UBR3: variants seen among roughly 807,000 people sequenced by gnomAD.
The protein encoded by UBR3 is ubiquitin protein ligase E3 component n-recognin 3, also known as E3 ubiquitin-protein ligase UBR3.
A neutral mutation model predicts 243.2 loss-of-function variants in UBR3; 85 were observed. The observed-to-expected ratio is 0.35, with a 90% CI of 0.29 to 0.42. The LOEUF (loss-of-function observed/expected upper bound fraction) is 0.42. Among genes scored for constraint, UBR3 ranks in the 10% least tolerant of loss-of-function variants. UBR3 has a pLI of 1.00. For synonymous variants in UBR3, 748 were observed against 799.8 expected (o/e 0.94, Z 1.09); for missense variants, 1,686 against 2,300.8 (o/e 0.73, Z 5.47).
chr2:169,928,831 TG>T lies in UBR3; in HGVS notation c.2531del (p.Gly844GlufsTer46). ...ATTTTAAGGCTCCTGTTTTTGAACC[TG>T]GAGGTTCTATGCAACAAGGCATGTA... ...ADFKAPVFEP[G>X]GSMQQGMYTP... is the part of the protein sequence containing the mutation. On this transcript the variant is annotated frameshift_variant, in exon 18 of 39. Coordinates refer to ENST00000272793, the MANE Select transcript of UBR3 (RefSeq NM_172070.4). LOFTEE classifies it high-confidence loss of function. The T allele has an allele frequency of 6.7e-7, 1 of 1,499,244 alleles. No homozygotes were observed. Among genetic ancestry groups the T allele is most frequent in the Non-Finnish European group, 9.0e-7 (1 of 1,110,590 alleles). 92.9% of individuals were successfully genotyped at this position (1,499,244 alleles called of 1,614,324 possible).
At chr2:170,077,334 A>G in intron 36 of UBR3, 2 of 852,102 alleles carry the variant, frequency 2.3e-6, no homozygotes, top group Non-Finnish European at 4.1e-6. Flanking sequence ...CCCAACTCAC[A>G]TTCACCTCAG....
At chr2:170,022,240 A>G (rs1187914063) in intron 30 of UBR3, among the ~76,000 whole-genome samples, 1 of 151,134 alleles carries the variant, frequency 6.6e-6, no homozygotes, top group East Asian at 1.9e-4. Context: ...GAAGCTAATA[A>G]TAATACTTGT....
intron 26 of UBR3, among the ~76,000 whole-genome samples, chr2:169,999,020 T>A (rs2089598002): frequency 6.6e-6 from 1 of 152,222 alleles, no homozygotes; most frequent in Non-Finnish European, 1.5e-5. Context: ...CCTAAAATAC[T>A]AGTCTCACAT....
At chr2:170,045,954 C>T (rs2091074487) in intron 32 of UBR3, among the ~76,000 whole-genome samples, 1 of 140,016 alleles carries the variant, frequency 7.1e-6, no homozygotes, top group African/African-American at 2.6e-5. Flanking sequence ...TCCATAGTTG[C>T]TTCTTGTAAA....
At chr2:170,064,785 C>T (rs72876449) in intron 35 of UBR3, among the ~76,000 whole-genome samples, 6,057 of 142,372 alleles carry the variant, frequency 0.043, 214 homozygotes, top group Non-Finnish European at 0.058. Flanking sequence ...TTATTCTTGA[C>T]GTCTTTTTGC....
intron 32 of UBR3, among the ~76,000 whole-genome samples, chr2:170,050,807 CAATA>C (rs1334740034): frequency 6.6e-6 from 1 of 152,124 alleles, no homozygotes; most frequent in Non-Finnish European, 1.5e-5. Flanking sequence ...GGCAAGCATT[CAATA>C]AATAAACATC....
Position 170,009,273 on chromosome 2 carries a change from C to T in UBR3, c.4367+333C>T, listed in dbSNP as rs945838510. 2.6e-5 allele frequency among the ~76,000 whole-genome samples: 4 copies of T among 151,928 alleles called. 1 individual carries two copies. The highest frequency in any genetic ancestry group is 7.3e-5 in the African/African-American group (3 of 41,358). On this transcript the variant is annotated intron_variant, in intron 29 of 38. Coordinates refer to ENST00000272793, the MANE Select transcript of UBR3 (RefSeq NM_172070.4). ...AAAGTGATAATACTGAGAACTAAAA[C>T]GTTGTAATATGTTAAACACTTTGAT...
At chr2:169,897,352 A>G (rs987468831) in intron 8 of UBR3, among the ~76,000 whole-genome samples, 1 of 151,906 alleles carries the variant, frequency 6.6e-6, no homozygotes, top group Non-Finnish European at 1.5e-5. Flanking sequence ...ATACTCTTCA[A>G]CCTGCCATAA....
At chr2:170,063,728 A>G (rs574107059) in intron 35 of UBR3, among the ~76,000 whole-genome samples, 4 of 152,016 alleles carry the variant, frequency 2.6e-5, no homozygotes, top group Admixed American at 2.6e-4. Flanking sequence ...CTTCCAATAT[A>G]TTTTTCCCAC....
At position 170,039,832 on chromosome 2, in the gene UBR3, TA is replaced by T. The variant is rs570114923; in HGVS notation, c.4557-1049del. On this transcript the variant is annotated intron_variant, in intron 31 of 38. Coordinates refer to ENST00000272793, the MANE Select transcript of UBR3 (RefSeq NM_172070.4). ...TTAGAATAAGCTCTGCTTTATAATA[TA>T]GTCTATGTTTTTCATAGTACTGCAC... Among the ~76,000 whole-genome samples the T allele has an allele frequency of 8.1e-3, 1,235 of 152,342 alleles. 19 individuals are homozygous for T. The highest frequency in any genetic ancestry group is 6.8e-3 in the Non-Finnish European group (460 of 68,030).
chr2:170,007,889 T>TA (rs1307487940), intron 28 of UBR3, among the ~76,000 whole-genome samples: 2 of 151,960 alleles, frequency 1.3e-5, no homozygotes, highest in African/African-American at 4.8e-5. Context: ...TTGAATTATT[T>TA]AAAAAACAAG....
At chr2:169,925,471 T>C in intron 13 of UBR3, 148 bp from the exon 14 acceptor site, 1 of 692,388 alleles carries the variant, frequency 1.4e-6, no homozygotes, top group Non-Finnish European at 2.1e-6. Flanking sequence ...TGTAAAAATG[T>C]ATATTTCAAC....
At chr2:169,828,530 G>T (rs1274140477) in intron 1 of UBR3, among the ~76,000 whole-genome samples, 1 of 151,998 alleles carries the variant, frequency 6.6e-6, no homozygotes, top group Non-Finnish European at 1.5e-5. Context: ...GGTCTTGTAC[G>T]TGCAGGGAAG....
At chr2:169,892,433 C>T (rs1285779040) in intron 6 of UBR3, among the ~76,000 whole-genome samples, 1 of 152,180 alleles carries the variant, frequency 6.6e-6, no homozygotes, top group African/African-American at 2.4e-5. Flanking sequence ...TCAGCCTGGT[C>T]ACACTCTGAC....
chr2:169,980,829 A>T (rs1286042850), intron 24 of UBR3, among the ~76,000 whole-genome samples: 1 of 139,920 alleles, frequency 7.1e-6, no homozygotes, highest in Admixed American at 7.5e-5. Context: ...GAAAAGAGGA[A>T]CTAGGGTCCT....
At chr2:170,071,050 C>T (rs2091686859) in intron 35 of UBR3, among the ~76,000 whole-genome samples, 1 of 151,992 alleles carries the variant, frequency 6.6e-6, no homozygotes, top group Admixed American at 6.6e-5. Flanking sequence ...TAGAGAAGTA[C>T]CAATTAATAT....
At chr2:169,987,392 C>CAAAAAAAAAAAAA in intron 25 of UBR3, among the ~76,000 whole-genome samples, 1 of 65,980 alleles carries the variant, frequency 1.5e-5, no homozygotes, top group Middle Eastern at 8.5e-3. Flanking sequence ...GACTCTGTCT[C>CAAAAAAAAAAAAA]AAAAAAAAAA....
rs762090916 is a variant in UBR3 at position 169,895,497 on chromosome 2, G to A, written c.1236+186G>A. On this transcript the variant is annotated intron_variant, in intron 7 of 38. Transcript: ENST00000272793. The stretch of plus-strand genomic sequence containing the variant: ...AGTGTCTTAGCTTTGTGGCAAAGCA[G>A]CATTACTCAGCAGAATTCCAAAGGA... Among the ~76,000 whole-genome samples, 3 of 152,210 alleles carry A rather than the reference G, an allele frequency of 2.0e-5. 1 individual carries two copies. The highest frequency in any genetic ancestry group is 3.8e-4 in the East Asian group (2 of 5,202).
chr2:170,016,678 ACTT>A (rs2090245542), intron 30 of UBR3, among the ~76,000 whole-genome samples: 1 of 151,874 alleles, frequency 6.6e-6, no homozygotes, highest in South Asian at 2.1e-4. Flanking sequence ...TTAAAAATCT[ACTT>A]ATTTTTTTCT....
Sources: allele counts gnomAD v4.1 joint callset (sites outside exome capture counted in the v4.1 genomes callset), GRCh38; gene constraint gnomAD v4.1.1; transcripts MANE v1.5; gene names NCBI Gene and HGNC (gene_info 2026-07-23, HGNC 2026-07-21).